The following CTSZ variants were observed in gnomAD, a reference collection of about 807,000 sequenced individuals.
CTSZ encodes the protein cathepsin Z, also known as carboxypeptidase LB.
In CTSZ, 39 loss-of-function variants were observed where a neutral mutation model predicts 32.4. The ratio of observed to expected loss-of-function variants is 1.20; its 90% CI spans 0.93 to 1.57. The LOEUF is 1.57. CTSZ is among the 40% of genes most tolerant of loss of function. The pLI, the probability that CTSZ is intolerant of heterozygous loss-of-function variation, is 0.00. For synonymous variants in CTSZ, 168 were observed against 170.1 expected, an observed-to-expected ratio of 0.99 and a Z score of 0.10; for missense variants, 397 against 419.6, an observed-to-expected ratio of 0.95 and a Z score of 0.47.
chr20:58,996,225 C>A (rs1601222276), intron 5 of CTSZ, among the ~76,000 whole-genome samples: 1 of 152,110 alleles, frequency 6.6e-6, no homozygotes, highest in South Asian at 2.1e-4. Context: ...TTTTGAAAAA[C>A]CGACACAGTA....
In CTSZ at chr20:59,007,072, G is replaced by A; in HGVS notation, c.57C>T (p.Gly19=). ...GGAAGTAGAGGCCGCCCTGCGCCGCGCCCGCCAGCAGCACGAGCAGCAGAA... is the reference window on the plus strand; with the variant it reads ...GGAAGTAGAGGCCGCCCTGCGCCGCACCCGCCAGCAGCACGAGCAGCAGAA... ...RPLLLLVLLA[G]AAQGGLYFRR... is the part of the protein sequence containing the mutation. Residue 19 remains glycine, a synonymous_variant, in exon 1 of 6, where the codon GGC becomes GGT. Coordinates refer to ENST00000217131, the MANE Select transcript of CTSZ (RefSeq NM_001336.4). 6.8e-7 allele frequency: 1 copy of A among 1,460,228 alleles called. No individual in the cohort carries two copies. Among genetic ancestry groups the A allele is most frequent in the Non-Finnish European group, 9.0e-7 (1 of 1,111,928 alleles). The allele number at this position is 1,460,228 out of a possible 1,614,324, so 90.5% of individuals were successfully genotyped here. A position where few individuals can be genotyped will look rare whatever the true frequency, so the allele number is the denominator to read the frequency against.
intron 3 of CTSZ, among the ~76,000 whole-genome samples, chr20:58,998,686 C>T (rs2091873746): frequency 2.0e-5 from 3 of 152,160 alleles, no homozygotes. Context: ...AGCGAGACCT[C>T]ATCTCTACAG....
intron 2 of CTSZ, among the ~76,000 whole-genome samples, chr20:59,005,811 C>G (rs2091906655): frequency 6.6e-6 from 1 of 152,124 alleles, no homozygotes; most frequent in East Asian, 1.9e-4. Flanking sequence ...CTTAGTTTCC[C>G]CTTCCTCTTT....
At chr20:59,005,016 C>T (rs1161634462) in intron 2 of CTSZ, among the ~76,000 whole-genome samples, 22 of 152,054 alleles carry the variant, frequency 1.4e-4, no homozygotes. Flanking sequence ...TTTCTATTCT[C>T]CCCTCACCCT....
At position 59,002,571 on chromosome 20, in the gene CTSZ, C is replaced by T. The variant is rs1327104809; in HGVS notation, c.308-927G>A. Among the ~76,000 whole-genome samples, 2 of 152,146 alleles carry T rather than the reference C, an allele frequency of 1.3e-5. No individual in the cohort carries two copies. Among genetic ancestry groups the T allele is most frequent in the African/African-American group, 4.8e-5 (2 of 41,416 alleles). ...TGCACATCCCCTCCATCTCTTGTCA[C>T]CTTCCAGACTCTCCCACACTGCCCC... On this transcript the variant is annotated intron_variant, in intron 2 of 5. Transcript: ENST00000217131. This position sits in a 1 kb window ranked among gnomAD's most constrained non-coding sequence, Gnocchi z 4.1.
In CTSZ at chr20:58,995,837, CT is replaced by C. The variant is rs150409478; in HGVS notation, c.802-79del. The C allele has an allele frequency of 4.1e-3, 5,350 of 1,300,638 alleles. 181 individuals are homozygous for C. In the African/African-American group the frequency reaches 0.069, roughly 17 times the overall value. The allele number at this position is 1,300,638 out of a possible 1,614,324, so 80.6% of individuals were successfully genotyped here. ...CTTGCTGCCGTCAGCCCCCTGCCCC[CT>C]GCTTTCTGCCTCCATCTCTCAGGCC... On this transcript the variant is annotated intron_variant, in intron 5 of 5. Coordinates refer to ENST00000217131, the MANE Select transcript of CTSZ (RefSeq NM_001336.4).
intron 3 of CTSZ, among the ~76,000 whole-genome samples, chr20:58,999,058 C>T (rs981825576): frequency 6.6e-6 from 1 of 151,590 alleles, no homozygotes; most frequent in Non-Finnish European, 1.5e-5. Context: ...TTTTTGGAGA[C>T]AGAGTCTCAC....
chr20:58,997,786 C>A (rs375408081), intron 3 of CTSZ, 33 bp from the exon 4 acceptor site: 1 of 1,555,054 alleles, frequency 6.4e-7, no homozygotes, highest in South Asian at 1.2e-5. Context: ...AGCATGAGGC[C>A]GTCTCCTCAT....
chr20:59,005,452 C>T (rs774614529), intron 2 of CTSZ, among the ~76,000 whole-genome samples: 6 of 152,330 alleles, frequency 3.9e-5, no homozygotes, highest in South Asian at 2.1e-4. Flanking sequence ...ATTGAGGAGG[C>T]GTCAGTGAGA....
chr20:59,005,773 G>A (rs963016858), intron 2 of CTSZ, among the ~76,000 whole-genome samples: 1 of 152,158 alleles, frequency 6.6e-6, no homozygotes, highest in African/African-American at 2.4e-5. Flanking sequence ...CCAAAGCAGG[G>A]TGCAGCAGCC....
rs1342565576 is a variant in CTSZ, at chr20:59,002,631, G to A, written c.308-987C>T. Among the ~76,000 whole-genome samples, 1 of 151,978 alleles carries A rather than the reference G, an allele frequency of 6.6e-6. No homozygotes were observed. The highest frequency in any genetic ancestry group is 1.5e-5 in the Non-Finnish European group (1 of 67,990). ...TCCTCCACCTGGCCTCCTCCCGGTC[G>A]CCCAGCCAGGGGCCTTCTGGAACTG... On this transcript the variant is annotated intron_variant, in intron 2 of 5. Transcript: ENST00000217131. This position sits in a 1 kb window ranked among gnomAD's most constrained non-coding sequence, Gnocchi z 4.1.
intron 3 of CTSZ, among the ~76,000 whole-genome samples, chr20:58,999,441 G>A (rs1004006009): frequency 4.6e-5 from 7 of 152,176 alleles, no homozygotes; most frequent in South Asian, 2.1e-4. Context: ...TGGAGTGGGC[G>A]TGGCCCTGGA....
In CTSZ at chr20:59,004,456, G is replaced by A. The variant is rs1463086934; in HGVS notation, c.307+1866C>T. On this transcript the variant is annotated intron_variant, in intron 2 of 5. Transcript: ENST00000217131. This position sits in a 1 kb window ranked among gnomAD's most constrained non-coding sequence, Gnocchi z 5.6. ...GCCCCAGGTGGCAGTGGAAAGAACA[G>A]TGCCGGTGGAGTGGCAGAGGTGGGA... Among the ~76,000 whole-genome samples, 4 of 152,146 alleles carry A rather than the reference G, an allele frequency of 2.6e-5. No individual in the cohort carries two copies. Among genetic ancestry groups the A allele is most frequent in the Non-Finnish European group, 5.9e-5 (4 of 68,012 alleles).
chr20:58,998,642 G>C (rs1002383272), intron 3 of CTSZ, among the ~76,000 whole-genome samples: 1 of 152,168 alleles, frequency 6.6e-6, no homozygotes, highest in African/African-American at 2.4e-5. Flanking sequence ...AAGATGGCTT[G>C]ATACCAGGAG....
chr20:59,001,529 C>A lies in CTSZ; in HGVS notation c.423G>T (p.Trp141Cys). 6.2e-7 allele frequency: 1 copy of A among 1,614,166 alleles called. No individual in the cohort carries two copies. The highest frequency in any genetic ancestry group is 1.3e-5 in the African/African-American group (1 of 75,052). ...SCEGGNDLSV[W>C]DYAHQHGIPD... ...GGATGCCGTGCTGGTGGGCGTAGTCCCACACGGACAGGTCATTACCCCCTT... is the reference window on the plus strand; with the variant it reads ...GGATGCCGTGCTGGTGGGCGTAGTCACACACGGACAGGTCATTACCCCCTT... The change falls in exon 3 of 6, where the codon TGG (tryptophan) becomes TGT (cysteine). Residue 141 changes from tryptophan to cysteine, a missense_variant. Physicochemically the swap from Trp to Cys is radical, Grantham distance 215. Coordinates refer to ENST00000217131, the MANE Select transcript of CTSZ (RefSeq NM_001336.4).
rs2091852808 is a variant in CTSZ, at chr20:58,995,418, C to T, written c.*231G>A. 2 of 459,060 alleles carry T rather than the reference C, an allele frequency of 4.4e-6. No homozygotes were observed. The highest frequency in any genetic ancestry group is 4.4e-5 in the South Asian group (1 of 22,888). The allele number at this position is 459,060 out of a possible 1,614,324, so 28.4% of individuals were successfully genotyped here. On this transcript the variant is annotated 3_prime_UTR_variant, in exon 6 of 6. Coordinates refer to ENST00000217131, the MANE Select transcript of CTSZ (RefSeq NM_001336.4). Reference sequence around the variant, plus strand: ...TCCTGTGTCGCAGGTCACTTCTTCACCAGGTGGCTGACTGCATCATTGTGA... The same window carrying T: ...TCCTGTGTCGCAGGTCACTTCTTCATCAGGTGGCTGACTGCATCATTGTGA...
chr20:59,002,248 C>G lies in CTSZ; in HGVS notation c.308-604G>C, dbSNP rs1253034871. ...CCCTCACTGCCCAGGTGGCTGGGCT[C>G]TAAATCCCAAGGTGCAGCCAGGGAC... On this transcript the variant is annotated intron_variant, in intron 2 of 5. Transcript: ENST00000217131. The surrounding 1 kb of genome is among the most constrained non-coding windows in gnomAD (Gnocchi z 4.1). Among the ~76,000 whole-genome samples, 2 of 152,200 alleles carry G rather than the reference C, an allele frequency of 1.3e-5. No homozygotes were observed. The highest frequency in any genetic ancestry group is 2.1e-4 in the South Asian group (1 of 4,834).
At chr20:59,001,335 C>T in intron 3 of CTSZ, 130 bp downstream of exon 3, 2 of 1,097,878 alleles carry the variant, frequency 1.8e-6, no homozygotes, top group Non-Finnish European at 2.6e-6. Flanking sequence ...CAACCTCTGC[C>T]CTCCCGCAGC....
chr20:59,001,386 T>G, intron 3 of CTSZ, 79 bp downstream of exon 3: 1 of 1,469,706 alleles, frequency 6.8e-7, no homozygotes, highest in Non-Finnish European at 9.2e-7. Context: ...GGGGTCAGGC[T>G]GGGTCCTCAG....
Sources: allele counts gnomAD v4.1 joint callset (sites outside exome capture counted in the v4.1 genomes callset), GRCh38; gene constraint gnomAD v4.1.1; non-coding constraint Gnocchi (gnomAD v3.1); transcripts MANE v1.5; gene names NCBI Gene and HGNC (gene_info 2026-07-23, HGNC 2026-07-21).